Variants in SATB2 observed in about 807,000 individuals in gnomAD.
The protein encoded by SATB2 is DNA-binding protein SATB2.
SATB2 carries 1 observed loss-of-function variant against 73.4 expected under a neutral mutation model. That is an observed-to-expected ratio of 0.01 (90% CI 0.00 to 0.06). SATB2 has a LOEUF of 0.06. SATB2 is among the 10% of genes least tolerant of loss of function. SATB2 has a pLI of 1.00. For synonymous variants in SATB2, 397 were observed against 367.0 expected (o/e 1.08, Z -0.93); for missense variants, 459 against 945.8 (o/e 0.49, Z 6.75).
chr2:199,360,616 C>T (rs1689110764), intron 6 of SATB2, among the ~76,000 whole-genome samples: 1 of 152,166 alleles, frequency 6.6e-6, no homozygotes, highest in South Asian at 2.1e-4. Flanking sequence ...CTCTTTCTTT[C>T]AAAGGCACTG....
At chr2:199,421,990 C>T (rs1379089858) in intron 3 of SATB2, among the ~76,000 whole-genome samples, 4 of 152,302 alleles carry the variant, frequency 2.6e-5, no homozygotes, top group Admixed American at 2.0e-4. Context: ...TTAACACTTC[C>T]TAATTTACTG....
intron 1 of SATB2, chr2:199,470,337 G>A (rs1256693619): frequency 2.6e-5 from 4 of 152,270 alleles, no homozygotes; most frequent in Non-Finnish European, 4.4e-5. Context: ...CCGACTCCCT[G>A]GAGCTTGGTC....
chr2:199,287,777 T>A (rs1692732257), intron 10 of SATB2, among the ~76,000 whole-genome samples: 1 of 152,178 alleles, frequency 6.6e-6, no homozygotes, highest in African/African-American at 2.4e-5. Context: ...CATCTTTTGT[T>A]TTTCTTACTT....
At chr2:199,276,579 T>C (rs1336264311) in intron 10 of SATB2, among the ~76,000 whole-genome samples, 3 of 152,186 alleles carry the variant, frequency 2.0e-5, no homozygotes, top group Non-Finnish European at 4.4e-5. Context: ...GTCACAAAAT[T>C]CACAATTACT....
At chr2:199,361,681 G>T (rs1364018460) in intron 6 of SATB2, among the ~76,000 whole-genome samples, 1 of 151,702 alleles carries the variant, frequency 6.6e-6, no homozygotes, top group Non-Finnish European at 1.5e-5. Context: ...GACCCCTAAG[G>T]TGTGTTCTCT....
At chr2:199,292,091 A>C (rs1325781218) in intron 10 of SATB2, among the ~76,000 whole-genome samples, 1 of 152,134 alleles carries the variant, frequency 6.6e-6, no homozygotes, top group Non-Finnish European at 1.5e-5. Flanking sequence ...AAAACACTTC[A>C]TAGGGCAGAA....
intron 3 of SATB2, among the ~76,000 whole-genome samples, chr2:199,421,825 T>C (rs1004956815): frequency 2.6e-5 from 4 of 152,268 alleles, no homozygotes; most frequent in Middle Eastern, 3.4e-3. Flanking sequence ...AAATGAACAT[T>C]AATGTCAAAA....
At chr2:199,382,434 C>CT (rs1019992299) in intron 3 of SATB2, among the ~76,000 whole-genome samples, 1 of 152,062 alleles carries the variant, frequency 6.6e-6, no homozygotes, top group Non-Finnish European at 1.5e-5. Flanking sequence ...AAGTTCCTTT[C>CT]TTTTTTTTAT....
chr2:199,365,613 A>G (rs919111678), intron 6 of SATB2, among the ~76,000 whole-genome samples: 11 of 152,198 alleles, frequency 7.2e-5, no homozygotes, highest in African/African-American at 2.4e-4. Flanking sequence ...AAGTGTAAAT[A>G]GTTTAGCTGA....
chr2:199,313,723 T>C (rs1687655633), intron 9 of SATB2, among the ~76,000 whole-genome samples: 1 of 152,224 alleles, frequency 6.6e-6, no homozygotes, highest in African/African-American at 2.4e-5. Context: ...CCATTAATTC[T>C]TTCTGGAAGA....
At chr2:199,436,107 A>C (rs1160829314) in intron 2 of SATB2, among the ~76,000 whole-genome samples, 1 of 152,224 alleles carries the variant, frequency 6.6e-6, no homozygotes, top group Non-Finnish European at 1.5e-5. Context: ...AGATCTTTAA[A>C]TGAATCCAAT....
intron 2 of SATB2, among the ~76,000 whole-genome samples, chr2:199,451,449 T>TAA (rs753267178): frequency 6.9e-4 from 89 of 129,808 alleles, no homozygotes; most frequent in South Asian, 3.6e-3. Flanking sequence ...CTTAAAACCT[T>TAA]AAAAAAAAAA....
In SATB2 at chr2:199,308,862, G is replaced by A; in HGVS notation, c.1638C>T (p.Asn546=). 1 of 1,614,162 alleles carries A rather than the reference G, an allele frequency of 6.2e-7. No individual in the cohort carries two copies. The highest frequency in any genetic ancestry group is 8.5e-7 in the Non-Finnish European group (1 of 1,180,008). ...TGACATCCCTCTCATGCTGGGGAAG[G>A]TTCAGGAAGCGACGGATGGTACAGA... The part of the protein sequence containing the change: ...ENLCTIRRFL[N]LPQHERDVIY... Residue 546 remains asparagine, a synonymous_variant, in exon 10 of 11, where the codon AAC becomes AAT. Coordinates refer to ENST00000417098, the MANE Select transcript of SATB2 (RefSeq NM_001172509.2). The surrounding 1 kb of genome is among the most constrained non-coding windows in gnomAD (Gnocchi z 4.6).
At chr2:199,345,931 C>G (rs1307967024) in intron 7 of SATB2, among the ~76,000 whole-genome samples, 1 of 152,112 alleles carries the variant, frequency 6.6e-6, no homozygotes, top group Non-Finnish European at 1.5e-5. Context: ...GTTTTATTAT[C>G]TACCTTTCTT....
At chr2:199,275,838 C>T (rs1664387907) in intron 10 of SATB2, among the ~76,000 whole-genome samples, 1 of 152,170 alleles carries the variant, frequency 6.6e-6, no homozygotes, top group South Asian at 2.1e-4. Flanking sequence ...AAATGGGCAT[C>T]TCTAAAGTGA....
intron 6 of SATB2, among the ~76,000 whole-genome samples, chr2:199,352,805 AC>A (rs1688857832): frequency 6.6e-6 from 1 of 152,180 alleles, no homozygotes; most frequent in South Asian, 2.1e-4. Context: ...TTTTTGAAAA[AC>A]AAAAAATCTG....
At chr2:199,277,230 A>G (rs1232438183) in intron 10 of SATB2, among the ~76,000 whole-genome samples, 3 of 152,210 alleles carry the variant, frequency 2.0e-5, no homozygotes, top group African/African-American at 7.2e-5. Flanking sequence ...TGTTGCAAAT[A>G]TTCTCTATAT....
intron 6 of SATB2, among the ~76,000 whole-genome samples, chr2:199,355,618 T>A (rs1020476323): frequency 1.3e-5 from 2 of 151,834 alleles, no homozygotes; most frequent in Non-Finnish European, 2.9e-5. Flanking sequence ...AAGGCCTGGG[T>A]TATAACTAGA....
intron 3 of SATB2, among the ~76,000 whole-genome samples, chr2:199,422,703 G>A (rs1691208112): frequency 6.6e-6 from 1 of 152,046 alleles, no homozygotes; most frequent in Non-Finnish European, 1.5e-5. Context: ...CTGAGCCTCA[G>A]CCTCTTCATT....
Sources: allele counts gnomAD v4.1 joint callset (sites outside exome capture counted in the v4.1 genomes callset), GRCh38; gene constraint gnomAD v4.1.1; non-coding constraint Gnocchi (gnomAD v3.1); transcripts MANE v1.5; gene names NCBI Gene and HGNC (gene_info 2026-07-23, HGNC 2026-07-21).